Variants in SIRT2 observed in about 807,000 individuals in gnomAD.
SIRT2 encodes the protein sirtuin 2.
In SIRT2, 40 loss-of-function variants were observed where a neutral mutation model predicts 57.4. That is an observed-to-expected ratio of 0.70 (90% confidence interval 0.54 to 0.91). The LOEUF is 0.91. Among genes scored for constraint, SIRT2 ranks in the 40% least tolerant of loss-of-function variants. The probability of loss-of-function intolerance (pLI) is 0.00; values close to 1 mark genes in which losing one functional copy is unlikely to be tolerated. For synonymous variants in SIRT2, 161 were observed against 195.7 expected (o/e 0.82, Z 1.48); for missense variants, 439 against 510.4 (o/e 0.86, Z 1.35).
chr19:38,881,086 G>C lies in SIRT2; in HGVS notation c.747+14C>G. ...CGGCGGTTGGGGATGCGGGGAGGCT[G>C]GGGGGCCACTTACTGACTGCATACA... On this transcript the variant is annotated intron_variant, in intron 11 of 15. Coordinates refer to ENST00000249396, the MANE Select transcript of SIRT2 (RefSeq NM_012237.4). 1.2e-6 allele frequency: 2 copies of C among 1,610,672 alleles called. No homozygotes were observed. Among genetic ancestry groups the C allele is most frequent in the Middle Eastern group, 1.7e-4 (1 of 5,900 alleles).
intron 2 of SIRT2, chr19:38,894,851 A>G: frequency 2.2e-6 from 1 of 455,922 alleles, no homozygotes; most frequent in Non-Finnish European, 4.4e-6. Flanking sequence ...ATCCATGCCA[A>G]TGACCTCTGC....
rs894286675 is a variant in SIRT2 at position 38,879,321 on chromosome 19, A to C, written c.1015-11T>G. On this transcript the variant is annotated splice_polypyrimidine_tract_variant and intron_variant, in intron 15 of 15. Transcript: ENST00000249396. ...GTCCTCCAGCTCCTTCTGCAGGAGCAAAGGTCACAGAAGTCAAAGGTCACT... is the reference window on the plus strand; with the variant it reads ...GTCCTCCAGCTCCTTCTGCAGGAGCCAAGGTCACAGAAGTCAAAGGTCACT... The C allele has an allele frequency of 6.2e-7, 1 of 1,613,478 alleles. No individual in the cohort carries two copies. The highest frequency in any genetic ancestry group is 1.3e-5 in the African/African-American group (1 of 75,022).
intron 2 of SIRT2, chr19:38,894,434 G>T (rs1973651347): frequency 4.7e-6 from 1 of 210,574 alleles, no homozygotes; most frequent in Admixed American, 5.3e-5. Flanking sequence ...CTAAGTCTTG[G>T]TGTCCCTCAC....
rs562688018 is a variant in SIRT2 at position 38,888,821 on chromosome 19, G to A, written c.501+266C>T. ...ACACATGGGATGGCCCTGAGAGGAG[G>A]TCACTGCCACCGCACTGCAGACCTG... On this transcript the variant is annotated intron_variant, in intron 8 of 15. Transcript: ENST00000249396. 3.9e-5 allele frequency among the ~76,000 whole-genome samples: 6 copies of A among 152,336 alleles called. 1 individual carries two copies. In the South Asian group the frequency reaches 1.2e-3, roughly 32 times the overall value.
Position 38,879,254 on chromosome 19 carries a change from C to A in SIRT2, c.1071G>T (p.Gly357=). 1.2e-6 allele frequency: 2 copies of A among 1,605,160 alleles called. No homozygotes were observed. Among genetic ancestry groups the A allele is most frequent in the Non-Finnish European group, 1.7e-6 (2 of 1,177,518 alleles). Residue 357 remains glycine (G), a synonymous_variant, in exon 16 of 16, where the codon GGG becomes GGT. Coordinates refer to ENST00000249396, the MANE Select transcript of SIRT2 (RefSeq NM_012237.4). ...AAGTGCTGGGGTTGGGGACCCCCGCCCCCGACTGGGCATCTATGCTGGCGT... is the reference window on the plus strand; with the variant it reads ...AAGTGCTGGGGTTGGGGACCCCCGCACCCGACTGGGCATCTATGCTGGCGT... ...REHASIDAQS[G]AGVPNPSTSA...
At chr19:38,897,796 G>A (rs1973771005) in intron 2 of SIRT2, among the ~76,000 whole-genome samples, 1 of 151,778 alleles carries the variant, frequency 6.6e-6, no homozygotes, top group Non-Finnish European at 1.5e-5. Flanking sequence ...AAAGTACTGG[G>A]ATTACAAGCA....
At chr19:38,881,333 T>C (rs997996636) in intron 10 of SIRT2, 99 bp downstream of exon 10, 2 of 1,215,370 alleles carry the variant, frequency 1.6e-6, no homozygotes, top group South Asian at 1.3e-5. Flanking sequence ...GAGACAGAGG[T>C]GGCCAGATGT....
chr19:38,879,998 T>C (rs892846342), intron 13 of SIRT2: 2 of 378,036 alleles, frequency 5.3e-6, no homozygotes, highest in African/African-American at 2.1e-5. Context: ...GCTAATTTTG[T>C]ATTATTAGTA....
chr19:38,899,558 C>A lies in SIRT2; in HGVS notation c.-37G>T, dbSNP rs1386520689. 6.2e-7 allele frequency: 1 copy of A among 1,613,754 alleles called. No individual in the cohort carries two copies. Among genetic ancestry groups the A allele is most frequent in the Non-Finnish European group, 8.5e-7 (1 of 1,179,920 alleles). Reference sequence around the variant, plus strand: ...TGAAGCCCTTGAGGCTGTCACCGACCGCTCTGTCCCGTCACCAACCACTGT... The same window carrying A: ...TGAAGCCCTTGAGGCTGTCACCGACAGCTCTGTCCCGTCACCAACCACTGT... On this transcript the variant is annotated 5_prime_UTR_variant, in exon 1 of 16. Transcript: ENST00000249396.
Position 38,887,172 on chromosome 19 carries a change from T to G in SIRT2, c.501+1915A>C, listed in dbSNP as rs1052031245. Reference sequence around the variant, plus strand: ...CTTTCCCGAACACATACACCGTTTCTGACTCCCCTTCCAGCTTAACTGTGT... The same window carrying G: ...CTTTCCCGAACACATACACCGTTTCGGACTCCCCTTCCAGCTTAACTGTGT... On this transcript the variant is annotated intron_variant, in intron 8 of 15. Transcript: ENST00000249396. Among the ~76,000 whole-genome samples the G allele has an allele frequency of 2.6e-4, 39 of 152,296 alleles. 1 individual carries two copies. The highest frequency in any genetic ancestry group is 8.9e-4 in the African/African-American group (37 of 41,556).
chr19:38,893,262 A>C (rs1973602074), intron 4 of SIRT2, 152 bp downstream of exon 4: 2 of 625,886 alleles, frequency 3.2e-6, no homozygotes, highest in Non-Finnish European at 5.8e-6. Flanking sequence ...GATTAGAGCC[A>C]ACACACTCCT....
At chr19:38,879,979 C>A in intron 13 of SIRT2, 1 of 434,942 alleles carries the variant, frequency 2.3e-6, no homozygotes. Context: ...GTGCCCAGCA[C>A]CATGCCCGGC....
chr19:38,882,916 A>G (rs1973200441), intron 9 of SIRT2, among the ~76,000 whole-genome samples: 1 of 152,054 alleles, frequency 6.6e-6, no homozygotes, highest in South Asian at 2.1e-4. Flanking sequence ...TCCTCAGCCC[A>G]GGGGCACTCA....
At chr19:38,879,523 A>G in intron 14 of SIRT2, 23 bp from the exon 15 acceptor site, 1 of 1,595,320 alleles carries the variant, frequency 6.3e-7, no homozygotes, top group Non-Finnish European at 8.5e-7. Flanking sequence ...AGGAGATCAG[A>G]GTTCCCAGGC....
At chr19:38,893,687 G>C in intron 3 of SIRT2, 132 bp downstream of exon 3, 1 of 1,292,652 alleles carries the variant, frequency 7.7e-7, no homozygotes, top group Admixed American at 1.9e-5. Context: ...CTCTGGCACT[G>C]GTACCCAACC....
intron 2 of SIRT2, among the ~76,000 whole-genome samples, chr19:38,895,685 C>T (rs1973693471): frequency 6.6e-6 from 1 of 152,212 alleles, no homozygotes; most frequent in African/African-American, 2.4e-5. Context: ...GCCTGTAATC[C>T]CACCACTTTG....
Position 38,879,150 on chromosome 19 carries a change from A to G in SIRT2, c.*5T>C, listed in dbSNP as rs775110404. On this transcript the variant is annotated 3_prime_UTR_variant, in exon 16 of 16. Coordinates refer to ENST00000249396, the MANE Select transcript of SIRT2 (RefSeq NM_012237.4). ...GCTCGGCATCCCGCCTGGGAGATGC[A>G]GCTGTCACTGGGGTTTCTCCCTCTC... The G allele has an allele frequency of 1.3e-6, 2 of 1,563,104 alleles. No homozygotes were observed. Among genetic ancestry groups the G allele is most frequent in the East Asian group, 2.3e-5 (1 of 44,106 alleles).
In SIRT2 at chr19:38,889,854, C is replaced by G; in HGVS notation, c.375+1G>C. ...ACGCCCCTTCCTGGGGGAGCACAAA[C>G]CTTGAAATAGCTGATCTCAAAGATG... On this transcript the variant is annotated splice_donor_variant, in intron 6 of 15. Transcript: ENST00000249396. LOFTEE classifies it high-confidence loss of function. 6.2e-7 allele frequency: 1 copy of G among 1,613,922 alleles called. No individual in the cohort carries two copies. The highest frequency in any genetic ancestry group is 1.1e-5 in the South Asian group (1 of 91,082).
intron 8 of SIRT2, among the ~76,000 whole-genome samples, chr19:38,885,263 T>G (rs1354300518): frequency 1.3e-5 from 2 of 151,636 alleles, no homozygotes; most frequent in Non-Finnish European, 2.9e-5. Flanking sequence ...TTTTTTATCT[T>G]TTTAATTATT....
Sources: gnomAD v4.1 joint callset for allele counts (sites outside exome capture counted in the v4.1 genomes callset) on GRCh38, gnomAD v4.1.1 for gene constraint, MANE v1.5 for transcripts, NCBI Gene and HGNC (gene_info 2026-07-23, HGNC 2026-07-21) for gene names.